Variants in CCSER1 observed in about 807,000 individuals in gnomAD.
CCSER1 encodes the protein coiled-coil serine rich protein 1.
A neutral mutation model predicts 82.0 loss-of-function variants in CCSER1; 41 were observed. The ratio of observed to expected loss-of-function variants is 0.50; its 90% CI spans 0.39 to 0.65. CCSER1 has a LOEUF of 0.65. Among genes scored for constraint, CCSER1 ranks in the 30% least tolerant of loss-of-function variants. The probability of loss-of-function intolerance (pLI) is 0.00; values close to 1 mark genes in which losing one functional copy is unlikely to be tolerated. For missense variants in CCSER1, 1,119 were observed against 1,064.2 expected, an observed-to-expected ratio of 1.05 and a Z score of -0.72; for synonymous variants, 414 against 383.9, an observed-to-expected ratio of 1.08 and a Z score of -0.92.
chr4:91,236,322 C>A (rs984955308), intron 10 of CCSER1, among the ~76,000 whole-genome samples: 1 of 151,202 alleles, frequency 6.6e-6, no homozygotes, highest in Non-Finnish European at 1.5e-5. Flanking sequence ...CCCGTCTCTA[C>A]TAAAAATACA....
intron 4 of CCSER1, among the ~76,000 whole-genome samples, chr4:90,442,284 G>A (rs2153573328): frequency 6.6e-6 from 1 of 152,284 alleles, no homozygotes; most frequent in South Asian, 2.1e-4. Context: ...GAGGAGGCCT[G>A]ATGTGGCCTC....
intron 3 of CCSER1, among the ~76,000 whole-genome samples, chr4:90,372,526 G>A (rs1453459950): frequency 6.6e-6 from 1 of 152,206 alleles, no homozygotes; most frequent in South Asian, 2.1e-4. Flanking sequence ...GAGGCAGGCA[G>A]ATCACTTGAG....
intron 4 of CCSER1, among the ~76,000 whole-genome samples, chr4:90,440,966 A>G (rs935565845): frequency 6.6e-6 from 1 of 152,174 alleles, no homozygotes; most frequent in Non-Finnish European, 1.5e-5. Flanking sequence ...ACTAGAAAAA[A>G]AAAAGATAGT....
chr4:90,347,179 T>G (rs1450412190), intron 3 of CCSER1, among the ~76,000 whole-genome samples: 1 of 152,194 alleles, frequency 6.6e-6, no homozygotes, highest in East Asian at 1.9e-4. Context: ...AACAAAAGCA[T>G]AAATAATAGG....
At chr4:91,235,903 C>CATAATTACTATTAATAGG (rs1294484017) in intron 10 of CCSER1, among the ~76,000 whole-genome samples, 2 of 152,062 alleles carry the variant, frequency 1.3e-5, no homozygotes, top group Non-Finnish European at 1.5e-5. Flanking sequence ...GTGAGTGAAT[C>CATAATTACTATTAATAGG]ATAATTACTA....
chr4:91,356,235 T>A (rs148503793), intron 10 of CCSER1, among the ~76,000 whole-genome samples: 11,186 of 152,332 alleles, frequency 0.073, 1,357 homozygotes, highest in African/African-American at 0.25. Flanking sequence ...TTTTTCTCTT[T>A]CTGACACATA....
intron 8 of CCSER1, among the ~76,000 whole-genome samples, chr4:90,882,042 T>G (rs1220145291): frequency 6.6e-6 from 1 of 152,022 alleles, no homozygotes; most frequent in Non-Finnish European, 1.5e-5. Flanking sequence ...AATAGAAAAT[T>G]AGAAATTTCA....
chr4:90,542,798 C>T (rs955518837), intron 5 of CCSER1, among the ~76,000 whole-genome samples: 4 of 151,948 alleles, frequency 2.6e-5, no homozygotes, highest in African/African-American at 9.7e-5. Flanking sequence ...GACAAGTAAG[C>T]CTATGTTATA....
chr4:91,221,484 G>T (rs1356516717), intron 10 of CCSER1, among the ~76,000 whole-genome samples: 1 of 151,988 alleles, frequency 6.6e-6, no homozygotes, highest in East Asian at 1.9e-4. Flanking sequence ...AATATTAAGA[G>T]CTTTAAAAGG....
chr4:91,126,088 A>G (rs1357438299), intron 10 of CCSER1, among the ~76,000 whole-genome samples: 1 of 151,724 alleles, frequency 6.6e-6, no homozygotes, highest in Non-Finnish European at 1.5e-5. Flanking sequence ...ACTTATGTAT[A>G]TATTTCTATC....
intron 10 of CCSER1, among the ~76,000 whole-genome samples, chr4:91,490,419 A>G (rs533928383): frequency 2.0e-5 from 3 of 152,264 alleles, no homozygotes; most frequent in Admixed American, 1.3e-4. Flanking sequence ...CATAAAGAAG[A>G]AAGAGATCCT....
intron 10 of CCSER1, among the ~76,000 whole-genome samples, chr4:91,556,545 AC>A (rs1298128856): frequency 6.6e-6 from 1 of 150,996 alleles, no homozygotes; most frequent in African/African-American, 2.4e-5. Flanking sequence ...ATTAAAAAAA[AC>A]CTTTGAATGA....
intron 10 of CCSER1, among the ~76,000 whole-genome samples, chr4:91,564,611 A>G (rs945910157): frequency 6.6e-6 from 1 of 151,516 alleles, no homozygotes; most frequent in African/African-American, 2.4e-5. Context: ...ATGGTGTCTT[A>G]TTGTGGTTTT....
chr4:90,195,022 A>G (rs963153012), intron 1 of CCSER1, among the ~76,000 whole-genome samples: 1 of 152,124 alleles, frequency 6.6e-6, no homozygotes, highest in Non-Finnish European at 1.5e-5. Flanking sequence ...CCTTAAAGTA[A>G]TAAATTAATG....
At chr4:90,296,564 G>C (rs1731988126) in intron 1 of CCSER1, among the ~76,000 whole-genome samples, 1 of 152,132 alleles carries the variant, frequency 6.6e-6, no homozygotes, top group African/African-American at 2.4e-5. Flanking sequence ...TGAAGTCCTT[G>C]CCCATGCCTA....
At chr4:91,472,257 G>A (rs1757321890) in intron 10 of CCSER1, among the ~76,000 whole-genome samples, 1 of 152,130 alleles carries the variant, frequency 6.6e-6, no homozygotes. Context: ...ATCTCTAAGT[G>A]CTGCAATATG....
intron 10 of CCSER1, among the ~76,000 whole-genome samples, chr4:91,484,840 T>C (rs1458622017): frequency 6.6e-6 from 1 of 152,174 alleles, no homozygotes; most frequent in African/African-American, 2.4e-5. Context: ...TAACAGACTT[T>C]CCCAGTAACT....
intron 1 of CCSER1, among the ~76,000 whole-genome samples, chr4:90,139,236 G>C (rs1032103595): frequency 2.0e-5 from 3 of 152,242 alleles, no homozygotes; most frequent in African/African-American, 7.2e-5. Flanking sequence ...CACTAGTGTG[G>C]TATTGATCTG....
At chr4:90,534,207 G>A (rs931216054) in intron 5 of CCSER1, among the ~76,000 whole-genome samples, 10 of 152,188 alleles carry the variant, frequency 6.6e-5, no homozygotes, top group Non-Finnish European at 1.0e-4. Flanking sequence ...TCGGCTCACT[G>A]CAAGCTCTGC....
Sources: gnomAD v4.1 joint callset for allele counts (sites outside exome capture counted in the v4.1 genomes callset) on GRCh38, gnomAD v4.1.1 for gene constraint, MANE v1.5 for transcripts, NCBI Gene and HGNC (gene_info 2026-07-23, HGNC 2026-07-21) for gene names.